FRAS1: variants seen among roughly 807,000 people sequenced by gnomAD.
FRAS1 encodes Fraser extracellular matrix complex subunit 1.
In FRAS1, 290 loss-of-function variants were observed where a neutral mutation model predicts 435.2. That is an observed-to-expected ratio of 0.67 (90% CI 0.61 to 0.73). The LOEUF (loss-of-function observed/expected upper bound fraction) is 0.73. FRAS1 is among the 30% of genes least tolerant of loss of function. The pLI is 0.00. For missense variants in FRAS1, 4,860 were observed against 5,001.5 expected, an observed-to-expected ratio of 0.97 and a Z score of 0.85; for synonymous variants, 1,800 against 1,851.0, an observed-to-expected ratio of 0.97 and a Z score of 0.71.
chr4:78,162,775 C>T (rs1331519430), intron 2 of FRAS1, among the ~76,000 whole-genome samples: 1 of 152,072 alleles, frequency 6.6e-6, no homozygotes, highest in Non-Finnish European at 1.5e-5. Context: ...GGAGCTGGTT[C>T]GTTGTGAAGC....
At chr4:78,223,601 G>A (rs1216046996) in intron 2 of FRAS1, among the ~76,000 whole-genome samples, 1 of 151,990 alleles carries the variant, frequency 6.6e-6, no homozygotes, top group Non-Finnish European at 1.5e-5. Flanking sequence ...GGAACATATG[G>A]TATAGGTACT....
At chr4:78,372,650 C>T in intron 23 of FRAS1, 68 bp from the exon 24 acceptor site, 1 of 1,584,506 alleles carries the variant, frequency 6.3e-7, no homozygotes, top group Non-Finnish European at 8.6e-7. Flanking sequence ...ACAGAGTCCT[C>T]ATAAATGAAC....
intron 2 of FRAS1, among the ~76,000 whole-genome samples, chr4:78,204,127 G>A (rs998321105): frequency 6.6e-6 from 1 of 152,088 alleles, no homozygotes; most frequent in African/African-American, 2.4e-5. Flanking sequence ...TATTAAATAA[G>A]GTTCTTTAAG....
chr4:78,408,522 C>T (rs1383265230), intron 31 of FRAS1, among the ~76,000 whole-genome samples: 1 of 152,074 alleles, frequency 6.6e-6, no homozygotes, highest in African/African-American at 2.4e-5. Flanking sequence ...TTTGAATGTT[C>T]TTGGAACACT....
chr4:78,402,740 T>C (rs1027550553), intron 30 of FRAS1, among the ~76,000 whole-genome samples: 2 of 152,186 alleles, frequency 1.3e-5, no homozygotes, highest in Non-Finnish European at 2.9e-5. Context: ...CAATCCAGGA[T>C]CTCAATTACA....
At chr4:78,211,373 A>G (rs545126744) in intron 2 of FRAS1, among the ~76,000 whole-genome samples, 1 of 152,356 alleles carries the variant, frequency 6.6e-6, no homozygotes, top group South Asian at 2.1e-4. Flanking sequence ...GTGAAAGTTT[A>G]TATACTGTCA....
chr4:78,432,713 C>T (rs1041635999), intron 38 of FRAS1, 109 bp downstream of exon 38: 69 of 1,271,736 alleles, frequency 5.4e-5, no homozygotes, highest in African/African-American at 1.1e-4. Context: ...TATATGGTCA[C>T]GTAAAGAACA....
chr4:78,123,415 C>T (rs192739687), intron 2 of FRAS1, among the ~76,000 whole-genome samples: 1 of 152,286 alleles, frequency 6.6e-6, no homozygotes, highest in Admixed American at 6.5e-5. Flanking sequence ...TAGCAGGATG[C>T]CTCCAGCTTT....
chr4:78,361,047 G>C (rs1312659801), intron 20 of FRAS1, among the ~76,000 whole-genome samples: 1 of 152,200 alleles, frequency 6.6e-6, no homozygotes, highest in Non-Finnish European at 1.5e-5. Context: ...AAGAGGATAG[G>C]CCATGGCTTT....
chr4:78,299,519 C>A (rs1244315854), intron 14 of FRAS1, among the ~76,000 whole-genome samples: 1 of 151,470 alleles, frequency 6.6e-6, no homozygotes, highest in Non-Finnish European at 1.5e-5. Context: ...ACCAGTATAA[C>A]TGCATGTCTG....
intron 47 of FRAS1, 109 bp from the exon 48 acceptor site, chr4:78,463,912 A>G: frequency 1.6e-6 from 2 of 1,252,688 alleles, no homozygotes; most frequent in Non-Finnish European, 2.3e-6. Context: ...TGCTATAAGA[A>G]AAATACAAAG....
At chr4:78,181,005 C>T in intron 2 of FRAS1, 1 of 1,605,044 alleles carries the variant, frequency 6.2e-7, no homozygotes, top group Non-Finnish European at 8.5e-7. Flanking sequence ...TCCTGGGCGG[C>T]CAAGGTCTCC....
intron 50 of FRAS1, among the ~76,000 whole-genome samples, chr4:78,468,485 ACATCATCAT>A (rs11267487): frequency 5.3e-5 from 8 of 150,132 alleles, no homozygotes; most frequent in South Asian, 2.1e-4. Context: ...GAAGCTGTAA[ACATCATCAT>A]CATCATCATC....
chr4:78,529,601 C>T (rs894247316), intron 70 of FRAS1, among the ~76,000 whole-genome samples: 1 of 152,138 alleles, frequency 6.6e-6, no homozygotes, highest in African/African-American at 2.4e-5. Flanking sequence ...AGACAGTAGT[C>T]CCCCCTTATC....
In FRAS1 at chr4:78,537,050, T is replaced by C; in HGVS notation, c.11148T>C (p.Ala3716=). The C allele has an allele frequency of 1.2e-6, 2 of 1,614,022 alleles. No individual in the cohort carries two copies. The highest frequency in any genetic ancestry group is 1.7e-6 in the Non-Finnish European group (2 of 1,179,888). ...LWNPEQNLNS[A]YKLQLEKVYL... ...ATCCAGAACAAAATCTTAATTCTGC[T>C]TACAAACTCCAGCTGGAGAAAGTCT... is the stretch of plus-strand genomic sequence containing the variant. The change falls in exon 72 of 74, where the codon GCT becomes GCC. Residue 3716 remains alanine (A), a synonymous_variant. Transcript: ENST00000512123.
chr4:78,242,579 G>A (rs1005906615), intron 3 of FRAS1, among the ~76,000 whole-genome samples: 2 of 152,180 alleles, frequency 1.3e-5, no homozygotes, highest in African/African-American at 4.8e-5. Flanking sequence ...GGGATTACAG[G>A]CATGTGCCAC....
intron 32 of FRAS1, among the ~76,000 whole-genome samples, chr4:78,416,925 G>A (rs959653723): frequency 6.6e-6 from 1 of 152,030 alleles, no homozygotes; most frequent in African/African-American, 2.4e-5. Flanking sequence ...GTTGGACTCT[G>A]GATATATTCA....
intron 29 of FRAS1, among the ~76,000 whole-genome samples, chr4:78,390,290 C>G (rs966499595): frequency 6.6e-6 from 1 of 152,134 alleles, no homozygotes; most frequent in African/African-American, 2.4e-5. Flanking sequence ...ATGTTAGGCA[C>G]TAAAGCTTGA....
chr4:78,426,379 G>A (rs956442858), intron 35 of FRAS1, among the ~76,000 whole-genome samples: 1 of 152,040 alleles, frequency 6.6e-6, no homozygotes, highest in African/African-American at 2.4e-5. Context: ...TAGACCTTGG[G>A]CTGACCTTAA....
Sources: gnomAD v4.1 joint callset for allele counts (sites outside exome capture counted in the v4.1 genomes callset) on GRCh38, gnomAD v4.1.1 for gene constraint, MANE v1.5 for transcripts, NCBI Gene and HGNC (gene_info 2026-07-23, HGNC 2026-07-21) for gene names.